Variants in TTC13 observed in about 807,000 individuals in gnomAD.
TTC13 encodes the protein tetratricopeptide repeat protein 13.
TTC13 carries 62 observed loss-of-function variants against 120.0 expected under a neutral mutation model. The observed-to-expected ratio is 0.52, with a 90% confidence interval of 0.42 to 0.64. The LOEUF (loss-of-function observed/expected upper bound fraction) is 0.64, where lower values mean the gene tolerates loss of function less well. Ranked by LOEUF, TTC13 falls within the 30% of genes least tolerant of loss-of-function variation. TTC13 has a pLI of 0.00. For missense variants in TTC13, 824 were observed against 1,050.2 expected (o/e 0.78, Z 2.98); for synonymous variants, 384 against 393.5 (o/e 0.98, Z 0.28).
At chr1:230,966,368 G>C (rs1298577223) in intron 1 of TTC13, among the ~76,000 whole-genome samples, 1 of 152,078 alleles carries the variant, frequency 6.6e-6, no homozygotes, top group East Asian at 1.9e-4. Context: ...TGTTAGGATG[G>C]CATTAAAATT....
At chr1:230,966,993 C>T (rs1268344088) in intron 1 of TTC13, among the ~76,000 whole-genome samples, 4 of 152,080 alleles carry the variant, frequency 2.6e-5, no homozygotes, top group Non-Finnish European at 5.9e-5. Context: ...AGCAGTCAGG[C>T]AGAAATACCA....
chr1:230,969,733 T>G (rs1677530660), intron 1 of TTC13, among the ~76,000 whole-genome samples: 1 of 152,182 alleles, frequency 6.6e-6, no homozygotes, highest in Non-Finnish European at 1.5e-5. Context: ...CTTTAGTACG[T>G]CTTAGCCTCA....
intron 17 of TTC13, among the ~76,000 whole-genome samples, chr1:230,917,997 T>G (rs1361907770): frequency 2.6e-5 from 4 of 152,172 alleles, no homozygotes; most frequent in Admixed American, 6.5e-5. Flanking sequence ...TTACAGGGAT[T>G]GGACAGTTGG....
intron 8 of TTC13, among the ~76,000 whole-genome samples, chr1:230,936,802 C>T (rs1297848784): frequency 6.6e-6 from 1 of 152,164 alleles, no homozygotes; most frequent in Non-Finnish European, 1.5e-5. Flanking sequence ...CTTGTCTCTG[C>T]GGTTAACAAG....
intron 18 of TTC13, among the ~76,000 whole-genome samples, chr1:230,914,634 C>T (rs1021941802): frequency 6.6e-6 from 1 of 152,146 alleles, no homozygotes; most frequent in African/African-American, 2.4e-5. Context: ...ACCTAGTGAT[C>T]CGCCCGCCTT....
chr1:230,926,208 C>T (rs552746797), intron 12 of TTC13, among the ~76,000 whole-genome samples: 38 of 152,128 alleles, frequency 2.5e-4, no homozygotes, highest in African/African-American at 8.9e-4. Context: ...CATAATGATA[C>T]TCACAATAGT....
At chr1:230,916,000 T>C (rs1671988601) in intron 18 of TTC13, among the ~76,000 whole-genome samples, 193 bp downstream of exon 18, 1 of 152,086 alleles carries the variant, frequency 6.6e-6, no homozygotes, top group Non-Finnish European at 1.5e-5. Context: ...AGTCAGAAAA[T>C]GTATCTGCTG....
At chr1:230,923,965 G>C (rs41304010) in intron 14 of TTC13, 32 bp from the exon 15 acceptor site, 6 of 1,537,108 alleles carry the variant, frequency 3.9e-6, no homozygotes, top group Non-Finnish European at 5.4e-6. Context: ...AAAACCAGAA[G>C]TGTTCAGAAG....
intron 18 of TTC13, among the ~76,000 whole-genome samples, chr1:230,914,054 C>T (rs1194749495): frequency 6.6e-6 from 1 of 152,084 alleles, no homozygotes; most frequent in African/African-American, 2.4e-5. Context: ...GCTGGTGAAG[C>T]AGGAGACAGA....
At chr1:230,953,138 G>GT in intron 4 of TTC13, among the ~76,000 whole-genome samples, 1 of 152,236 alleles carries the variant, frequency 6.6e-6, no homozygotes, top group South Asian at 2.1e-4. Flanking sequence ...CAGAAAGGTG[G>GT]TTTTTTAAAC....
chr1:230,935,622 G>A (rs1039916180), intron 8 of TTC13, among the ~76,000 whole-genome samples: 2 of 152,160 alleles, frequency 1.3e-5, no homozygotes, highest in African/African-American at 2.4e-5. Context: ...CCAGGCTAAC[G>A]TGGGAAGCTG....
intron 17 of TTC13, among the ~76,000 whole-genome samples, chr1:230,917,097 G>A (rs933238192): frequency 6.6e-6 from 1 of 152,120 alleles, no homozygotes; most frequent in Non-Finnish European, 1.5e-5. Context: ...AGATGCACCA[G>A]GTGTCACCAG....
rs560830757 is a variant in TTC13, at chr1:230,965,760, C to G, written c.272-4457G>C. ...GATCTCGGCTAACTGCAGCATTGAC[C>G]TCAGCATCCCTAGTAGCTGGGAACA... On this transcript the variant is annotated intron_variant, in intron 1 of 22. Transcript: ENST00000366661. Among the ~76,000 whole-genome samples the G allele has an allele frequency of 3.9e-5, 6 of 152,334 alleles. No individual in the cohort carries two copies. In the South Asian group the frequency reaches 1.0e-3, roughly 26 times the overall value.
At chr1:230,916,122 T>C (rs1233073658) in intron 18 of TTC13, 71 bp downstream of exon 18, 8 of 1,133,488 alleles carry the variant, frequency 7.1e-6, no homozygotes, top group African/African-American at 1.5e-5. Flanking sequence ...CAAAACTCTA[T>C]AGTGACAATA....
At chr1:230,908,849 G>A (rs973598120) in intron 21 of TTC13, 58 bp from the exon 22 acceptor site, 2 of 1,605,088 alleles carry the variant, frequency 1.2e-6, no homozygotes, top group African/African-American at 2.7e-5. Flanking sequence ...GGCTCGGCTG[G>A]AGATCTATGT....
At position 230,921,402 on chromosome 1, in the gene TTC13, G is replaced by C. The variant is rs757269675; in HGVS notation, c.1898+19C>G. On this transcript the variant is annotated intron_variant, in intron 16 of 22. Transcript: ENST00000366661. ...ATGAAATCAACTCATTACTAAGAAGGAGAAAATTAAAGGCTTACCCATGAT... is the reference window on the plus strand; with the variant it reads ...ATGAAATCAACTCATTACTAAGAAGCAGAAAATTAAAGGCTTACCCATGAT... 1 of 1,311,252 alleles carries C rather than the reference G, an allele frequency of 7.6e-7. No individual in the cohort carries two copies. The highest frequency in any genetic ancestry group is 1.9e-4 in the Middle Eastern group (1 of 5,358). 81.2% of individuals were successfully genotyped at this position (1,311,252 alleles called of 1,614,324 possible).
intron 1 of TTC13, among the ~76,000 whole-genome samples, chr1:230,975,978 A>G (rs937002892): frequency 6.6e-6 from 1 of 152,222 alleles, no homozygotes; most frequent in African/African-American, 2.4e-5. Context: ...GTTCTGTCTC[A>G]AGGGAATACA....
chr1:230,931,631 G>C (rs940385139), intron 10 of TTC13, 105 bp downstream of exon 10: 9 of 1,485,756 alleles, frequency 6.1e-6, no homozygotes, highest in Non-Finnish European at 8.2e-6. Flanking sequence ...TTTTGTTGGA[G>C]TAGAAACACT....
chr1:230,975,247 G>A (rs907892540), intron 1 of TTC13, among the ~76,000 whole-genome samples: 1 of 151,792 alleles, frequency 6.6e-6, no homozygotes, highest in Admixed American at 6.6e-5. Context: ...GGTGGCACAC[G>A]TCTGTGGTCC....
Sources: gnomAD v4.1 joint callset for allele counts (sites outside exome capture counted in the v4.1 genomes callset) on GRCh38, gnomAD v4.1.1 for gene constraint, MANE v1.5 for transcripts, NCBI Gene and HGNC (gene_info 2026-07-23, HGNC 2026-07-21) for gene names.